Variants in TJP3 observed in about 807,000 individuals in gnomAD.
TJP3 encodes tight junction protein 3.
In TJP3, 85 loss-of-function variants were observed where a neutral mutation model predicts 104.2. The ratio of observed to expected loss-of-function variants is 0.82; its 90% CI spans 0.68 to 0.98. The LOEUF is 0.98. Ranked by LOEUF, TJP3 falls within the 50% of genes least tolerant of loss-of-function variation. The pLI is 0.00. For missense variants in TJP3, 1,367 were observed against 1,322.8 expected (o/e 1.03, Z -0.52); for synonymous variants, 550 against 550.6 (o/e 1.00, Z 0.02).
chr19:3,750,494 C>T, intron 20 of TJP3, 88 bp from the exon 21 acceptor site: 1 of 1,170,720 alleles, frequency 8.5e-7, no homozygotes, highest in South Asian at 1.4e-5. Context: ...CCCACACCCA[C>T]TGTGCCTAGC....
At position 3,747,801 on chromosome 19, in the gene TJP3, G is replaced by A; in HGVS notation, c.2330G>A (p.Gly777Asp). Reference protein sequence around the residue: ...PIWTAEDQLDGSLEDNLDLPH... With the variant: ...PIWTAEDQLDDSLEDNLDLPH... Reference sequence around the variant, plus strand: ...TCCACACCCACCCCACAGCTGGATGGCTCCTTGGAGGACAACCTAGACCTC... The same window carrying A: ...TCCACACCCACCCCACAGCTGGATGACTCCTTGGAGGACAACCTAGACCTC... Residue 777 changes from glycine (G) to aspartate (D), a missense_variant, in exon 19 of 21, where the codon GGC (glycine) becomes GAC (aspartate). Physicochemically the swap from Gly to Asp is moderately conservative, Grantham distance 94 (BLOSUM62 -1). Coordinates refer to ENST00000541714, the MANE Select transcript of TJP3 (RefSeq NM_001267560.2). 1 of 1,591,098 alleles carries A rather than the reference G, an allele frequency of 6.3e-7. No individual in the cohort carries two copies. The highest frequency in any genetic ancestry group is 8.5e-7 in the Non-Finnish European group (1 of 1,171,670).
rs193289757 is a variant in TJP3 at position 3,726,470 on chromosome 19, A to G, written c.-9-1954A>G. Among the ~76,000 whole-genome samples, 322 of 152,094 alleles carry G rather than the reference A, an allele frequency of 2.1e-3. 2 individuals carry two copies. Among genetic ancestry groups the G allele is most frequent in the African/African-American group, 7.4e-3 (309 of 41,522 alleles). On this transcript the variant is annotated intron_variant, in intron 1 of 20. Coordinates refer to ENST00000541714, the MANE Select transcript of TJP3 (RefSeq NM_001267560.2). ...AAAAATTAGCTGGGCATGGTGGTAG[A>G]CACCTGTGATCCCAGCTACTTGGGA...
chr19:3,739,046 A>G lies in TJP3; in HGVS notation c.1543A>G (p.Ser515Gly). Residue 515 changes from serine (S) to glycine (G), a missense_variant, in exon 13 of 21, where the codon AGC (serine) becomes GGC (glycine). Physicochemically the swap from Ser to Gly is moderately conservative, Grantham distance 56. Transcript: ENST00000541714. ...CACGCTGCACCCCGGCCCCGGGCAG[A>G]GCCACGCACGAGGAGGCCACTGGCT... is the stretch of plus-strand genomic sequence containing the variant. ...LDTLHPGPGQ[S>G]HARGGHWLAV... 6.2e-7 allele frequency: 1 copy of G among 1,610,614 alleles called. No homozygotes were observed. Among genetic ancestry groups the G allele is most frequent in the Non-Finnish European group, 8.5e-7 (1 of 1,178,376 alleles).
At chr19:3,716,074 C>A (rs533405911) in intron 1 of TJP3, among the ~76,000 whole-genome samples, 1 of 145,524 alleles carries the variant, frequency 6.9e-6, no homozygotes, top group Non-Finnish European at 1.5e-5. Flanking sequence ...CCACCACGCC[C>A]GACTTGTTTT....
intron 13 of TJP3, among the ~76,000 whole-genome samples, chr19:3,739,621 G>A (rs964795250): frequency 3.3e-5 from 5 of 152,204 alleles, no homozygotes; most frequent in Admixed American, 6.5e-5. Flanking sequence ...TGTAACAGAT[G>A]CCCAGAAACT....
chr19:3,730,806 T>G lies in TJP3; in HGVS notation c.613+100T>G. 3 of 1,317,168 alleles carry G rather than the reference T, an allele frequency of 2.3e-6. No individual in the cohort carries two copies. Among genetic ancestry groups the G allele is most frequent in the Non-Finnish European group, 3.1e-6 (3 of 982,448 alleles). 81.6% of individuals were successfully genotyped at this position (1,317,168 alleles called of 1,614,324 possible). ...AGTGATTCTCCTGCCTCAGCCTCCC[T>G]GGTGGCTGGGACTCCAGGCGCCCGC... On this transcript the variant is annotated intron_variant, in intron 5 of 20. Coordinates refer to ENST00000541714, the MANE Select transcript of TJP3 (RefSeq NM_001267560.2). This position sits in a 1 kb window ranked among gnomAD's most constrained non-coding sequence, Gnocchi z 7.3.
At chr19:3,717,786 T>C (rs372961860) in intron 1 of TJP3, among the ~76,000 whole-genome samples, 196 of 152,014 alleles carry the variant, frequency 1.3e-3, no homozygotes, top group African/African-American at 4.5e-3. Context: ...CTCACTGTGT[T>C]GCCCAGGAAT....
chr19:3,727,538 G>T (rs902074886), intron 1 of TJP3, among the ~76,000 whole-genome samples: 1 of 148,624 alleles, frequency 6.7e-6, no homozygotes, highest in Non-Finnish European at 1.5e-5. Context: ...CACAAAGGAA[G>T]TGTTTCATTC....
chr19:3,744,262 A>G (rs1470989306), intron 15 of TJP3, among the ~76,000 whole-genome samples: 2 of 152,218 alleles, frequency 1.3e-5, no homozygotes, highest in African/African-American at 2.4e-5. Context: ...GCCATTGCCA[A>G]TTGAGGCAAA....
At chr19:3,723,175 C>G (rs919850713) in intron 1 of TJP3, among the ~76,000 whole-genome samples, 2 of 152,312 alleles carry the variant, frequency 1.3e-5, no homozygotes, top group Admixed American at 1.3e-4. Context: ...CCATCGGGAG[C>G]GCTCAGACTG....
intron 1 of TJP3, among the ~76,000 whole-genome samples, chr19:3,712,728 C>T (rs1388611577): frequency 1.3e-5 from 2 of 152,062 alleles, no homozygotes; most frequent in Non-Finnish European, 2.9e-5. Context: ...GTGGGAGGAT[C>T]GCATGAGCCC....
chr19:3,735,720 G>T, intron 9 of TJP3, 81 bp downstream of exon 9: 1 of 1,601,668 alleles, frequency 6.2e-7, no homozygotes, highest in African/African-American at 1.3e-5. Context: ...AGCTGGGGGA[G>T]GTTGGCCTGA....
At position 3,715,340 on chromosome 19, in the gene TJP3, C is replaced by T. The variant is rs868152686; in HGVS notation, c.-10+6779C>T. ...TCCTGACCTCGTGATCCGCCCGCCT[C>T]GGCCTCCCAAAGTGCTGGGATTACA... is the stretch of plus-strand genomic sequence containing the variant. On this transcript the variant is annotated intron_variant, in intron 1 of 20. Coordinates refer to ENST00000541714, the MANE Select transcript of TJP3 (RefSeq NM_001267560.2). 6.6e-5 allele frequency among the ~76,000 whole-genome samples: 10 copies of T among 152,232 alleles called. No homozygotes were observed. The South Asian group carries it at 1.2e-3, about 19-fold the overall frequency.
rs549044942 is a variant in TJP3, at chr19:3,721,829, G to A, written c.-9-6595G>A. The A allele has an allele frequency of 6.9e-4, 703 of 1,023,888 alleles. 3 individuals carry two copies. In the African/African-American group the frequency reaches 0.01, roughly 15 times the overall value. The allele number at this position is 1,023,888 out of a possible 1,614,324, so 63.4% of individuals were successfully genotyped here. On this transcript the variant is annotated intron_variant, in intron 1 of 20. Transcript: ENST00000541714. ...CAGCCCCCTCCCCCAGCCCGGGGTGGGGGCCGATTGACTGTTTCCAGGACC... is the reference window on the plus strand; with the variant it reads ...CAGCCCCCTCCCCCAGCCCGGGGTGAGGGCCGATTGACTGTTTCCAGGACC...
chr19:3,720,911 T>TTTC (rs1283605663), intron 1 of TJP3, among the ~76,000 whole-genome samples: 1 of 146,120 alleles, frequency 6.8e-6, no homozygotes, highest in Non-Finnish European at 1.5e-5. Flanking sequence ...CTTTTTTTTT[T>TTTC]TTTTTTTTTG....
intron 6 of TJP3, among the ~76,000 whole-genome samples, chr19:3,732,735 C>G (rs1253689959): frequency 6.6e-6 from 1 of 152,128 alleles, no homozygotes. Context: ...TCTCGAACTC[C>G]TGACCTCAGG....
chr19:3,716,543 G>A (rs2036478484), intron 1 of TJP3, among the ~76,000 whole-genome samples: 2 of 147,840 alleles, frequency 1.4e-5, no homozygotes. Flanking sequence ...CACGAGTGTT[G>A]TGTGTAACTG....
intron 3 of TJP3, 95 bp from the exon 4 acceptor site, chr19:3,729,933 C>G: frequency 1.1e-6 from 1 of 921,604 alleles, no homozygotes; most frequent in South Asian, 1.3e-5. Context: ...CCTTGTAGAT[C>G]TGGAGGTTCC....
At chr19:3,719,732 C>CAAAAAA (rs34047272) in intron 1 of TJP3, among the ~76,000 whole-genome samples, 3 of 81,736 alleles carry the variant, frequency 3.7e-5, no homozygotes, top group African/African-American at 8.7e-5. Context: ...GACTCCGTCT[C>CAAAAAA]AAAAAAAAAA....
Sources: allele counts gnomAD v4.1 joint callset (sites outside exome capture counted in the v4.1 genomes callset), GRCh38; gene constraint gnomAD v4.1.1; non-coding constraint Gnocchi (gnomAD v3.1); transcripts MANE v1.5; gene names NCBI Gene and HGNC (gene_info 2026-07-23, HGNC 2026-07-21).